ZMYND8: variants seen among roughly 807,000 people sequenced by gnomAD.
The protein encoded by ZMYND8 is zinc finger MYND-type containing 8, also known as MYND-type zinc finger-containing chromatin reader ZMYND8.
ZMYND8 carries 37 observed loss-of-function variants against 140.8 expected under a neutral mutation model. That is an observed-to-expected ratio of 0.26 (90% CI 0.20 to 0.35). The LOEUF (loss-of-function observed/expected upper bound fraction) is 0.35, where lower values mean the gene tolerates loss of function less well. Ranked by LOEUF, ZMYND8 falls within the 10% of genes least tolerant of loss-of-function variation. The pLI is 1.00. For synonymous variants in ZMYND8, 592 were observed against 597.1 expected (o/e 0.99, Z 0.12); for missense variants, 1,068 against 1,570.0 (o/e 0.68, Z 5.40).
chr20:47,280,854 T>G, intron 10 of ZMYND8, among the ~76,000 whole-genome samples: 1 of 151,934 alleles, frequency 6.6e-6, no homozygotes, highest in East Asian at 1.9e-4. Flanking sequence ...ACCCCACTAT[T>G]CTCCCAGCAT....
chr20:47,249,279 A>G lies in ZMYND8; in HGVS notation c.1774+8T>C. On this transcript the variant is annotated splice_region_variant and intron_variant, in intron 13 of 22. Coordinates refer to ENST00000471951, the MANE Select transcript of ZMYND8 (RefSeq NM_001281775.3). ...TGCTGGAAAAAAAAAACAAAACCAA[A>G]GGTATACCTAATTGTGCTTTGCAAC... The G allele has an allele frequency of 6.2e-7, 1 of 1,605,586 alleles. No homozygotes were observed. The highest frequency in any genetic ancestry group is 1.1e-5 in the South Asian group (1 of 87,976).
intron 20 of ZMYND8, among the ~76,000 whole-genome samples, chr20:47,220,885 C>T (rs747141726): frequency 1.3e-5 from 2 of 152,170 alleles, no homozygotes; most frequent in Non-Finnish European, 2.9e-5. Flanking sequence ...GTGAAACCTT[C>T]GTGGCCCAAT....
At chr20:47,285,090 T>TA (rs112970812) in intron 8 of ZMYND8, among the ~76,000 whole-genome samples, 57 of 149,506 alleles carry the variant, frequency 3.8e-4, no homozygotes, top group East Asian at 9.7e-4. Context: ...CTCATGAGAT[T>TA]AAAAAAAAAA....
chr20:47,345,997 G>T (rs1336925808), intron 2 of ZMYND8, among the ~76,000 whole-genome samples: 1 of 152,162 alleles, frequency 6.6e-6, no homozygotes, highest in Non-Finnish European at 1.5e-5. Context: ...CTGCTGAAGG[G>T]TGAGGATGGG....
rs534283995 is a variant in ZMYND8 at position 47,355,387 on chromosome 20, G to A, written c.14+1270C>T. The A allele has an allele frequency of 1.3e-5, 12 of 958,208 alleles. No homozygotes were observed. The South Asian group carries it at 5.3e-4, about 42-fold the overall frequency. The allele number at this position is 958,208 out of a possible 1,614,324, so 59.4% of individuals were successfully genotyped here. The stretch of plus-strand genomic sequence containing the variant: ...TAGCCAAGACCCACTATTACAAACA[G>A]ACCCCAAATGTTCGCAAAACTCTTC... On this transcript the variant is annotated intron_variant, in intron 1 of 22. Coordinates refer to ENST00000471951, the MANE Select transcript of ZMYND8 (RefSeq NM_001281775.3).
intron 2 of ZMYND8, among the ~76,000 whole-genome samples, chr20:47,321,073 T>G (rs2079907451): frequency 6.6e-6 from 1 of 152,224 alleles, no homozygotes; most frequent in African/African-American, 2.4e-5. Flanking sequence ...CAGTAAACGC[T>G]GGACTCCTCT....
At chr20:47,221,600 G>T in intron 19 of ZMYND8, 126 bp from the exon 20 acceptor site, 3 of 1,209,110 alleles carry the variant, frequency 2.5e-6, no homozygotes, top group Non-Finnish European at 3.3e-6. Context: ...CATAAAAGTG[G>T]AGGCTCAAGG....
chr20:47,291,797 T>G lies in ZMYND8; in HGVS notation c.659A>C (p.Lys220Thr). Residue 220 changes from lysine (K) to threonine (T), a missense_variant and splice_region_variant, in exon 6 of 23, where the codon AAG (lysine) becomes ACG (threonine). By Grantham distance (78) the Lys-to-Thr change is moderately conservative. Around this residue, in one of 10 missense-constraint regions of ZMYND8, gnomAD observed 109 missense variants for 314.9 expected, o/e 0.35. Coordinates refer to ENST00000471951, the MANE Select transcript of ZMYND8 (RefSeq NM_001281775.3). ...FHPMDLCTLE[K>T]NAKKKMYGCT... is the part of the protein sequence containing the mutation. ...TGAGGTTCTTTGACGGAGGCCAACC[T>G]TTTCCAATGTACAAAGGTCCATTGG... is the stretch of plus-strand genomic sequence containing the variant. 1.2e-6 allele frequency: 2 copies of G among 1,607,344 alleles called. No individual in the cohort carries two copies. Among genetic ancestry groups the G allele is most frequent in the Non-Finnish European group, 1.7e-6 (2 of 1,176,554 alleles).
rs544022912 is a variant in ZMYND8 at position 47,349,947 on chromosome 20, G to C, written c.15-2021C>G. 75 of 1,535,186 alleles carry C rather than the reference G, an allele frequency of 4.9e-5. 2 individuals are homozygous for C. The South Asian group carries it at 7.4e-4, about 15-fold the overall frequency. ...ATTCAAGGGAACCATTATTTGGCTT[G>C]TAACAGCCTAGAGGAGCTGAATACT... On this transcript the variant is annotated intron_variant, in intron 1 of 22. Transcript: ENST00000471951.
At chr20:47,249,660 T>C (rs554396116) in intron 12 of ZMYND8, among the ~76,000 whole-genome samples, 1 of 152,302 alleles carries the variant, frequency 6.6e-6, no homozygotes, top group East Asian at 1.9e-4. Context: ...AACAGTCCAC[T>C]GAACAATCGT....
At chr20:47,341,799 C>A (rs915235694) in intron 2 of ZMYND8, among the ~76,000 whole-genome samples, 1 of 151,194 alleles carries the variant, frequency 6.6e-6, no homozygotes, top group Non-Finnish European at 1.5e-5. Flanking sequence ...GTCAGGAGAT[C>A]GAGACCATCC....
intron 14 of ZMYND8, among the ~76,000 whole-genome samples, chr20:47,244,734 TCTGAG>T (rs1457968909): frequency 6.6e-6 from 1 of 152,148 alleles, no homozygotes; most frequent in Non-Finnish European, 1.5e-5. Flanking sequence ...GTTGTGAAAC[TCTGAG>T]CTAAGTTAAA....
intron 10 of ZMYND8, among the ~76,000 whole-genome samples, chr20:47,277,907 G>A (rs1167707118): frequency 6.6e-5 from 10 of 151,928 alleles, no homozygotes; most frequent in Non-Finnish European, 5.9e-5. Flanking sequence ...TCTTGACCTC[G>A]TGATCCACCC....
At chr20:47,279,706 A>T (rs1302829060) in intron 10 of ZMYND8, among the ~76,000 whole-genome samples, 1 of 152,024 alleles carries the variant, frequency 6.6e-6, no homozygotes. Context: ...CTTCTACAAA[A>T]AAGCACTTAA....
In ZMYND8 at chr20:47,238,455, G is replaced by A. The variant is rs1024571713; in HGVS notation, c.2665+303C>T. 3 of 468,966 alleles carry A rather than the reference G, an allele frequency of 6.4e-6. No homozygotes were observed. The South Asian group carries it at 6.6e-5, about 10-fold the overall frequency. 29.1% of individuals were successfully genotyped at this position (468,966 alleles called of 1,614,324 possible). Reference sequence around the variant, plus strand: ...ATACTGGCCACTGTGGAAGGGAAGAGAATGAAATGGAAGGTAAACGGGATA... The same window carrying A: ...ATACTGGCCACTGTGGAAGGGAAGAAAATGAAATGGAAGGTAAACGGGATA... On this transcript the variant is annotated intron_variant, in intron 15 of 22. Coordinates refer to ENST00000471951, the MANE Select transcript of ZMYND8 (RefSeq NM_001281775.3).
chr20:47,348,198 A>G, intron 1 of ZMYND8: 1 of 462,814 alleles, frequency 2.2e-6, no homozygotes, highest in South Asian at 2.1e-5. Context: ...TTTTTTAGAC[A>G]CACAATTACA....
chr20:47,221,426 A>G lies in ZMYND8; in HGVS notation c.3305T>C (p.Leu1102Pro). The G allele has an allele frequency of 6.2e-7, 1 of 1,614,130 alleles. No individual in the cohort carries two copies. The highest frequency in any genetic ancestry group is 2.2e-5 in the East Asian group (1 of 44,882). The change falls in exon 20 of 23, where the codon CTA becomes CCA. Residue 1102 changes from leucine to proline, a missense_variant. By Grantham distance (98) the Leu-to-Pro change is moderately conservative. Around this residue, in one of 10 missense-constraint regions of ZMYND8, gnomAD observed 180 missense variants for 187.8 expected, o/e 0.96. Coordinates refer to ENST00000471951, the MANE Select transcript of ZMYND8 (RefSeq NM_001281775.3). Reference protein sequence around the residue: ...EADAEVNTETLNKSSQGSSSS... With the variant: ...EADAEVNTETPNKSSQGSSSS... The stretch of plus-strand genomic sequence containing the variant: ...GGAGCTCCCCTGGGAGGACTTATTT[A>G]GTGTTTCTGTGTTCACCTCAGCATC...
intron 22 of ZMYND8, among the ~76,000 whole-genome samples, chr20:47,212,105 G>A (rs979599668): frequency 5.3e-5 from 8 of 152,132 alleles, no homozygotes; most frequent in African/African-American, 7.2e-5. Flanking sequence ...TTATTTCTCC[G>A]GAAGGACTCT....
intron 16 of ZMYND8, among the ~76,000 whole-genome samples, chr20:47,233,929 G>A (rs1445092557): frequency 2.6e-5 from 4 of 152,200 alleles, no homozygotes; most frequent in African/African-American, 9.7e-5. Flanking sequence ...GTGCCCATCT[G>A]TAATCCCCTC....
Sources: gnomAD v4.1 joint callset for allele counts (sites outside exome capture counted in the v4.1 genomes callset) on GRCh38, gnomAD v4.1.1 for gene constraint, gnomAD v4.1.1 regional missense constraint, MANE v1.5 for transcripts, NCBI Gene and HGNC (gene_info 2026-07-23, HGNC 2026-07-21) for gene names.